The following PPP2R3B variants were observed in gnomAD, a reference collection of about 807,000 sequenced individuals.
PPP2R3B encodes the protein protein phosphatase 2 regulatory subunit B''beta.
PPP2R3B carries 68 observed loss-of-function variants against 72.9 expected under a neutral mutation model. The ratio of observed to expected loss-of-function variants is 0.93; its 90% CI spans 0.77 to 1.14. The LOEUF (loss-of-function observed/expected upper bound fraction) is 1.14, where lower values mean the gene tolerates loss of function less well. PPP2R3B is among the 50% of genes most tolerant of loss of function. The pLI, the probability that PPP2R3B is intolerant of heterozygous loss-of-function variation, is 0.00. For synonymous variants in PPP2R3B, 466 were observed against 375.8 expected (o/e 1.24, Z -2.78); for missense variants, 1,018 against 842.0 (o/e 1.21, Z -2.59).
chrX:344,500 G>A (rs2071153659), intron 7 of PPP2R3B, among the ~76,000 whole-genome samples: 1 of 152,264 alleles, frequency 6.6e-6, no homozygotes, highest in Non-Finnish European at 1.5e-5. Flanking sequence ...GCGCAGCCCG[G>A]CCGCACACGG....
chrX:377,597 G>C, intron 1 of PPP2R3B, among the ~76,000 whole-genome samples: 1 of 132,558 alleles, frequency 7.5e-6, no homozygotes, highest in African/African-American at 2.8e-5. Context: ...CTGTGTACAG[G>C]GACGGGCCGT....
Position 341,274 on chromosome X carries a change from C to G in PPP2R3B, c.1175+33G>C, listed in dbSNP as rs768339631. ...ACATGGGCGGCTCCCGGCCCCTCCA[C>G]TGGGACAAACGCATGCCGCAGCAGG... is the stretch of plus-strand genomic sequence containing the variant. On this transcript the variant is annotated intron_variant, in intron 9 of 12. Transcript: ENST00000390665. 4.4e-6 allele frequency: 7 copies of G among 1,607,214 alleles called. No homozygotes were observed. The Admixed American group carries it at 8.3e-5, about 19-fold the overall frequency.
chrX:336,751 T>C (rs2070899167), intron 12 of PPP2R3B: 3 of 152,130 alleles, frequency 2.0e-5, no homozygotes, highest in Admixed American at 1.3e-4. Flanking sequence ...ACGGGAACCT[T>C]AAAAGCACCG....
intron 5 of PPP2R3B, 60 bp from the exon 6 acceptor site, chrX:346,320 CG>C: frequency 1.3e-6 from 2 of 1,495,892 alleles, no homozygotes; most frequent in Non-Finnish European, 1.8e-6. Flanking sequence ...TCGCCCCGCA[CG>C]GAGACCGGGA....
At chrX:338,421 G>A (rs2738379) in intron 12 of PPP2R3B, 183 bp downstream of exon 12, 294,626 of 646,308 alleles carry the variant, frequency 0.46, 69,824 homozygotes, top group South Asian at 0.52. Context: ...CCCTGTCATC[G>A]GCTGTCCTTA....
chrX:381,841 G>A lies in PPP2R3B; in HGVS notation c.324+4527C>T, dbSNP rs375301809. On this transcript the variant is annotated intron_variant, in intron 1 of 12. Transcript: ENST00000390665. The stretch of plus-strand genomic sequence containing the variant: ...TCTCTATCTCCTGACCTTGTGATCC[G>A]CCCGCCTCGGCCTCCCAAAGTGCTG... Among the ~76,000 whole-genome samples, 175 of 151,742 alleles carry A rather than the reference G, an allele frequency of 1.2e-3. 1 individual carries two copies. Among genetic ancestry groups the A allele is most frequent in the African/African-American group, 3.8e-3 (159 of 41,358 alleles).
intron 9 of PPP2R3B, 151 bp from the exon 10 acceptor site, chrX:341,091 C>T (rs1312667965): frequency 3.2e-6 from 4 of 1,241,282 alleles, no homozygotes; most frequent in African/African-American, 1.5e-5. Context: ...CCCCCTGCCG[C>T]CCCCACCGGG....
rs1186216178 is a variant in PPP2R3B at position 334,039 on chromosome X, A to AGCC, written c.*325_*327dup. ...CCTGTCCAGGACTGAGGCGCCCGGG[A>AGCC]GCCGCCGGTCACCGTTGTGCGCACA... On this transcript the variant is annotated 3_prime_UTR_variant, in exon 13 of 13. Coordinates refer to ENST00000390665, the MANE Select transcript of PPP2R3B (RefSeq NM_013239.5). 1 of 259,224 alleles carries AGCC rather than the reference A, an allele frequency of 3.9e-6. No individual in the cohort carries two copies. Among genetic ancestry groups the AGCC allele is most frequent in the African/African-American group, 2.2e-5 (1 of 44,796 alleles). The allele number at this position is 259,224 out of a possible 1,614,324, so 16.1% of individuals were successfully genotyped here.
intron 2 of PPP2R3B, among the ~76,000 whole-genome samples, chrX:348,038 G>A (rs2071259818): frequency 6.6e-6 from 1 of 152,158 alleles, no homozygotes; most frequent in South Asian, 2.1e-4. Context: ...CGTCAGCCAG[G>A]CAACGCGGTG....
chrX:359,741 A>G (rs926039907), intron 2 of PPP2R3B: 4 of 428,606 alleles, frequency 9.3e-6, no homozygotes, highest in Non-Finnish European at 1.8e-5. Context: ...AAATGCAAGA[A>G]GTATGTATGT....
intron 2 of PPP2R3B, among the ~76,000 whole-genome samples, chrX:359,420 A>G (rs1164677192): frequency 6.6e-6 from 1 of 152,224 alleles, no homozygotes; most frequent in African/African-American, 2.4e-5. Flanking sequence ...ACTTTTGGCA[A>G]GTTTTTACTG....
At chrX:367,534 A>C (rs1470233860) in intron 1 of PPP2R3B, among the ~76,000 whole-genome samples, 2 of 151,998 alleles carry the variant, frequency 1.3e-5, no homozygotes, top group Non-Finnish European at 2.9e-5. Context: ...AGGCGCTGGG[A>C]TCACAGGTGT....
rs766825759 is a variant in PPP2R3B at position 346,229 on chromosome X, C to T, written c.824G>A (p.Arg275Gln). The T allele has an allele frequency of 1.3e-6, 2 of 1,572,154 alleles. No individual in the cohort carries two copies. The highest frequency in any genetic ancestry group is 1.4e-5 in the African/African-American group (1 of 73,746). ...GCAGGTGATCCTGCCGGACCAGGAC[C>T]GGTTCACGGCGTAGAAGATCCGCTG... ...VIQRIFYAVN[R>Q]SWSGRITCAE... The change falls in exon 6 of 13, where the codon CGG (arginine) becomes CAG (glutamine). Residue 275 changes from arginine (R) to glutamine (Q), a missense_variant. Arg to Gln is a conservative substitution (Grantham distance 43, BLOSUM62 1). Coordinates refer to ENST00000390665, the MANE Select transcript of PPP2R3B (RefSeq NM_013239.5).
At chrX:369,274 C>T in intron 1 of PPP2R3B, among the ~76,000 whole-genome samples, 1 of 152,338 alleles carries the variant, frequency 6.6e-6, no homozygotes, top group Non-Finnish European at 1.5e-5. Context: ...CCAGAGGGGC[C>T]TGTGGCGGCC....
At chrX:352,688 G>A (rs1388856546) in intron 2 of PPP2R3B, among the ~76,000 whole-genome samples, 3 of 151,964 alleles carry the variant, frequency 2.0e-5, no homozygotes, top group African/African-American at 4.8e-5. Flanking sequence ...TCGCGAGGCA[G>A]ACAAAGTCCC....
chrX:376,165 T>G (rs180802837), intron 1 of PPP2R3B, among the ~76,000 whole-genome samples: 1 of 145,970 alleles, frequency 6.9e-6, no homozygotes, highest in Non-Finnish European at 1.5e-5. Flanking sequence ...CACTGCAGCC[T>G]GGGGGACAAG....
chrX:361,298 G>T, intron 2 of PPP2R3B, 107 bp downstream of exon 2: 5 of 1,244,500 alleles, frequency 4.0e-6, no homozygotes, highest in Non-Finnish European at 5.6e-6. Flanking sequence ...CGGCCGTGCC[G>T]CCTCACTCAC....
Position 386,630 on chromosome X carries a change from T to C in PPP2R3B, c.62A>G (p.Tyr21Cys). 1 of 1,437,936 alleles carries C rather than the reference T, an allele frequency of 7.0e-7. No homozygotes were observed. Among genetic ancestry groups the C allele is most frequent in the Admixed American group, 2.4e-5 (1 of 41,346 alleles). The allele number at this position is 1,437,936 out of a possible 1,614,324, so 89.1% of individuals were successfully genotyped here. ...CTGCGTGCTGGCCTCGCTGAGCCAG[T>C]ACAGGAACAGCTCGTCCACCTTCAT... ...LKMKVDELFL[Y>C]WLSEASTQRM... The change falls in exon 1 of 13, where the codon TAC becomes TGC. Residue 21 changes from tyrosine (Y) to cysteine (C), a missense_variant. Physicochemically the swap from Tyr to Cys is radical, Grantham distance 194. Transcript: ENST00000390665.
chrX:353,548 A>G (rs970614830), intron 2 of PPP2R3B, among the ~76,000 whole-genome samples: 9 of 152,372 alleles, frequency 5.9e-5, no homozygotes, highest in Non-Finnish European at 7.3e-5. Context: ...AGAAAAGTGA[A>G]TTCTAAAGGA....
Sources: allele counts gnomAD v4.1 joint callset (sites outside exome capture counted in the v4.1 genomes callset), GRCh38; gene constraint gnomAD v4.1.1; transcripts MANE v1.5; gene names NCBI Gene and HGNC (gene_info 2026-07-23, HGNC 2026-07-21).